The following PRKCE variants were observed in gnomAD, a reference collection of about 807,000 sequenced individuals.
PRKCE encodes protein kinase C epsilon type.
Under a neutral mutation model 85.4 loss-of-function variants are expected in PRKCE, and 16 were observed. That is an observed-to-expected ratio of 0.19 (90% CI 0.13 to 0.28). PRKCE has a LOEUF of 0.28. Among genes scored for constraint, PRKCE ranks in the 10% least tolerant of loss-of-function variants. PRKCE has a pLI of 1.00. For synonymous variants in PRKCE, 388 were observed against 371.5 expected, an observed-to-expected ratio of 1.04 and a Z score of -0.51; for missense variants, 573 against 975.2, an observed-to-expected ratio of 0.59 and a Z score of 5.49.
At chr2:45,800,410 C>T (rs1260581438) in intron 1 of PRKCE, among the ~76,000 whole-genome samples, 1 of 152,244 alleles carries the variant, frequency 6.6e-6, no homozygotes, top group Non-Finnish European at 1.5e-5. Context: ...TGTCATTGGT[C>T]AGGCTTCTGG....
intron 1 of PRKCE, among the ~76,000 whole-genome samples, chr2:45,654,454 T>G (rs772132266): frequency 6.6e-6 from 1 of 152,206 alleles, no homozygotes; most frequent in Admixed American, 6.5e-5. Context: ...GAGAAGCTAG[T>G]TGGGGACCGA....
At chr2:45,747,681 C>T (rs1201209984) in intron 1 of PRKCE, among the ~76,000 whole-genome samples, 2 of 152,182 alleles carry the variant, frequency 1.3e-5, no homozygotes, top group African/African-American at 2.4e-5. Context: ...ATACAACTAT[C>T]TCTTTGAGAC....
intron 2 of PRKCE, among the ~76,000 whole-genome samples, chr2:45,852,382 T>G (rs1198928415): frequency 1.3e-5 from 2 of 152,244 alleles, no homozygotes; most frequent in African/African-American, 4.8e-5. Flanking sequence ...GGTGTATCCA[T>G]CTGTTATTGG....
At chr2:45,705,493 G>A (rs189398964) in intron 1 of PRKCE, among the ~76,000 whole-genome samples, 23 of 152,306 alleles carry the variant, frequency 1.5e-4, no homozygotes, top group East Asian at 7.7e-4. Flanking sequence ...TCCCTGCACC[G>A]CATGCTCCAA....
chr2:45,898,464 G>A (rs1034692650), intron 2 of PRKCE, among the ~76,000 whole-genome samples: 2 of 152,202 alleles, frequency 1.3e-5, no homozygotes, highest in African/African-American at 4.8e-5. Flanking sequence ...AACACTTAAG[G>A]AACAGAAAGC....
rs959323891 is a variant in PRKCE at position 45,905,609 on chromosome 2, C to T, written c.412+62546C>T. Among the ~76,000 whole-genome samples the T allele has an allele frequency of 2.0e-5, 3 of 152,214 alleles. No individual in the cohort carries two copies. Among genetic ancestry groups the T allele is most frequent in the Admixed American group, 2.0e-4 (3 of 15,280 alleles). On this transcript the variant is annotated intron_variant, in intron 2 of 14. Coordinates refer to ENST00000306156, the MANE Select transcript of PRKCE (RefSeq NM_005400.3). This position sits in a 1 kb window ranked among gnomAD's most constrained non-coding sequence, Gnocchi z 4.4. ...TTCACCGGGCTCTGTGTATCCTGGCCCTGCAAGTCCTTTCTAAGGGGCTGA... is the reference window on the plus strand; with the variant it reads ...TTCACCGGGCTCTGTGTATCCTGGCTCTGCAAGTCCTTTCTAAGGGGCTGA...
At chr2:45,777,057 C>T (rs1685807501) in intron 1 of PRKCE, among the ~76,000 whole-genome samples, 1 of 152,012 alleles carries the variant, frequency 6.6e-6, no homozygotes, top group South Asian at 2.1e-4. Context: ...ACGTGAGTTC[C>T]CAGAACATCA....
At chr2:45,929,774 A>G (rs963337900) in intron 2 of PRKCE, among the ~76,000 whole-genome samples, 2 of 147,024 alleles carry the variant, frequency 1.4e-5, no homozygotes, top group Non-Finnish European at 3.0e-5. Context: ...TGCATCTTTC[A>G]TGTGTTTCTC....
intron 1 of PRKCE, among the ~76,000 whole-genome samples, chr2:45,751,991 G>C: frequency 6.7e-6 from 1 of 148,622 alleles, no homozygotes. Flanking sequence ...CTAATTTTTT[G>C]TATTTTTAGT....
chr2:45,734,737 C>G (rs1177327720), intron 1 of PRKCE, among the ~76,000 whole-genome samples: 1 of 152,170 alleles, frequency 6.6e-6, no homozygotes, highest in East Asian at 1.9e-4. Flanking sequence ...GTACTCACTC[C>G]CCAACTGCTG....
At position 46,025,396 on chromosome 2, in the gene PRKCE, A is replaced by T. The variant is rs377216866; in HGVS notation, c.1437+14879A>T. On this transcript the variant is annotated intron_variant, in intron 10 of 14. Transcript: ENST00000306156. ...ACCTGGTACGGTATGTCTTCAACTT[A>T]ATATCAGGTATTCCAGGGATAGAAA... 1.3e-3 allele frequency among the ~76,000 whole-genome samples: 198 copies of T among 152,326 alleles called. 1 individual carries two copies. In the South Asian group the frequency reaches 0.04, roughly 31 times the overall value.
At chr2:45,982,034 T>A (rs1206651766) in intron 5 of PRKCE, among the ~76,000 whole-genome samples, 2 of 152,250 alleles carry the variant, frequency 1.3e-5, no homozygotes, top group African/African-American at 2.4e-5. Flanking sequence ...AAGTCTCCAG[T>A]GAAGTGTGTT....
intron 1 of PRKCE, among the ~76,000 whole-genome samples, chr2:45,727,834 T>A (rs551029209): frequency 1.3e-5 from 2 of 152,084 alleles, no homozygotes; most frequent in Non-Finnish European, 2.9e-5. Context: ...TTTGTATTTT[T>A]AGTAGAGACG....
At chr2:46,174,121 C>CAGA (rs1291838740) in intron 14 of PRKCE, among the ~76,000 whole-genome samples, 3 of 152,190 alleles carry the variant, frequency 2.0e-5, no homozygotes, top group Non-Finnish European at 4.4e-5. Flanking sequence ...AACTTTCCCT[C>CAGA]AGAAGTGTTT....
At chr2:45,907,000 C>A (rs1008900593) in intron 2 of PRKCE, among the ~76,000 whole-genome samples, 6 of 152,292 alleles carry the variant, frequency 3.9e-5, no homozygotes, top group Admixed American at 3.9e-4. Context: ...CAGTGTCTCC[C>A]CATAATCCCC....
At chr2:45,886,833 C>A (rs1410304613) in intron 2 of PRKCE, among the ~76,000 whole-genome samples, 1 of 152,158 alleles carries the variant, frequency 6.6e-6, no homozygotes, top group Non-Finnish European at 1.5e-5. Context: ...TCCCTCTTTT[C>A]TTGATTATGA....
At chr2:45,794,854 C>G (rs571619881) in intron 1 of PRKCE, among the ~76,000 whole-genome samples, 2,255 of 151,422 alleles carry the variant, frequency 0.015, 43 homozygotes, top group Non-Finnish European at 0.019. Context: ...TACCCCCCCC[C>G]CCATCCACCA....
At chr2:46,125,662 T>C (rs1299333271) in intron 11 of PRKCE, among the ~76,000 whole-genome samples, 1 of 152,224 alleles carries the variant, frequency 6.6e-6, no homozygotes, top group African/African-American at 2.4e-5. Flanking sequence ...AATTTTCTTC[T>C]CTTAAATTCA....
intron 1 of PRKCE, among the ~76,000 whole-genome samples, chr2:45,791,592 AGT>A (rs1309811610): frequency 6.6e-6 from 1 of 152,252 alleles, no homozygotes; most frequent in Non-Finnish European, 1.5e-5. Flanking sequence ...ATTGATCTTG[AGT>A]AAACAAATAG....
Sources: allele counts gnomAD v4.1 joint callset (sites outside exome capture counted in the v4.1 genomes callset), GRCh38; gene constraint gnomAD v4.1.1; non-coding constraint Gnocchi (gnomAD v3.1); transcripts MANE v1.5; gene names NCBI Gene and HGNC (gene_info 2026-07-23, HGNC 2026-07-21).